The following TAF4B variants were observed in gnomAD, a reference collection of about 807,000 sequenced individuals.
TAF4B encodes the protein transcription initiation factor TFIID subunit 4B.
A neutral mutation model predicts 86.4 loss-of-function variants in TAF4B; 38 were observed. The observed-to-expected ratio is 0.44, with a 90% confidence interval of 0.34 to 0.58. The LOEUF is 0.58. Among genes scored for constraint, TAF4B ranks in the 20% least tolerant of loss-of-function variants. TAF4B has a pLI of 0.02. For synonymous variants in TAF4B, 388 were observed against 391.2 expected (o/e 0.99, Z 0.10); for missense variants, 988 against 1,027.6 (o/e 0.96, Z 0.53).
At chr18:26,227,618 T>C (rs914024948) in intron 1 of TAF4B, among the ~76,000 whole-genome samples, 2 of 152,188 alleles carry the variant, frequency 1.3e-5, no homozygotes, top group African/African-American at 4.8e-5. Flanking sequence ...GCTTAGATTA[T>C]GTAGAAGTGC....
At chr18:26,231,592 A>T (rs905617593) in intron 1 of TAF4B, among the ~76,000 whole-genome samples, 1 of 151,686 alleles carries the variant, frequency 6.6e-6, no homozygotes, top group Non-Finnish European at 1.5e-5. Flanking sequence ...GCCTCAAGTG[A>T]TCTGCTGATC....
intron 7 of TAF4B, among the ~76,000 whole-genome samples, chr18:26,290,958 A>C (rs1367595721): frequency 6.6e-6 from 1 of 152,214 alleles, no homozygotes; most frequent in African/African-American, 2.4e-5. Flanking sequence ...AGCTTCATTG[A>C]AATGTATCAT....
intron 5 of TAF4B, among the ~76,000 whole-genome samples, chr18:26,277,257 G>T (rs922327201): frequency 2.6e-5 from 4 of 151,848 alleles, no homozygotes; most frequent in Admixed American, 6.6e-5. Context: ...CTAATTTTTT[G>T]ATTTTTTTTG....
At chr18:26,334,944 G>A (rs2057079092) in intron 12 of TAF4B, among the ~76,000 whole-genome samples, 1 of 152,090 alleles carries the variant, frequency 6.6e-6, no homozygotes, top group South Asian at 2.1e-4. Flanking sequence ...GACATCGTTA[G>A]CATCATTTTC....
At chr18:26,241,594 G>A (rs2055840258) in intron 1 of TAF4B, among the ~76,000 whole-genome samples, 1 of 151,968 alleles carries the variant, frequency 6.6e-6, no homozygotes, top group Non-Finnish European at 1.5e-5. Flanking sequence ...CTTCAGTTCT[G>A]CTCTGATCTT....
intron 1 of TAF4B, among the ~76,000 whole-genome samples, chr18:26,229,196 A>G (rs2055624428): frequency 6.6e-6 from 1 of 152,208 alleles, no homozygotes; most frequent in African/African-American, 2.4e-5. Context: ...ACCATAGTCT[A>G]ATTATGTTCC....
intron 8 of TAF4B, among the ~76,000 whole-genome samples, 187 bp from the exon 9 acceptor site, chr18:26,293,239 T>C (rs2100921): frequency 0.081 from 12,329 of 152,214 alleles, 1,551 homozygotes; most frequent in African/African-American, 0.27. Context: ...AAGATTCTTA[T>C]TTTATAAGAT....
At chr18:26,314,063 C>T (rs917566123) in intron 9 of TAF4B, among the ~76,000 whole-genome samples, 1 of 151,896 alleles carries the variant, frequency 6.6e-6, no homozygotes, top group African/African-American at 2.4e-5. Flanking sequence ...AGTTGAACAC[C>T]AGAGGCCTTC....
At chr18:26,386,829 G>A (rs1197777929) in intron 14 of TAF4B, among the ~76,000 whole-genome samples, 2 of 152,100 alleles carry the variant, frequency 1.3e-5, no homozygotes, top group South Asian at 4.1e-4. Flanking sequence ...CTTGTGAATA[G>A]TAGTCATCCT....
At position 26,332,084 on chromosome 18, in the gene TAF4B, A is replaced by G. The variant is rs10163689; in HGVS notation, c.2260-3091A>G. Among the ~76,000 whole-genome samples the G allele has an allele frequency of 5.4e-4, 82 of 152,262 alleles. 1 individual carries two copies. The highest frequency in any genetic ancestry group is 1.9e-3 in the African/African-American group (79 of 41,554). On this transcript the variant is annotated intron_variant, in intron 12 of 14. Transcript: ENST00000269142. ...TCTAACTAGGCATCTTGAACTGACC[A>G]TTGAGTTCCCTTCCCCTAAGTCTGC...
At chr18:26,352,324 A>C (rs1024241997) in intron 13 of TAF4B, among the ~76,000 whole-genome samples, 1 of 152,008 alleles carries the variant, frequency 6.6e-6, no homozygotes, top group South Asian at 2.1e-4. Flanking sequence ...ATAGGAGAAA[A>C]TGCTTACATT....
At chr18:26,350,892 C>G (rs995576863) in intron 13 of TAF4B, among the ~76,000 whole-genome samples, 25 of 152,170 alleles carry the variant, frequency 1.6e-4, no homozygotes, top group African/African-American at 6.0e-4. Context: ...ATCGAGGATT[C>G]AGGGAAAATG....
rs764132272 is a variant in TAF4B, at chr18:26,357,728, C to T, written c.2355C>T (p.Asp785=). ...QLELAQIQHR[D]ANLTALAAIG... is the part of the protein sequence containing the mutation. ...AACTTGCACAGATACAGCATAGAGA[C>T]GCTAATCTCACAGCTCTTGCAGCTA... The change falls in exon 14 of 15, where the codon GAC becomes GAT. Residue 785 remains aspartate, a synonymous_variant. Coordinates refer to ENST00000269142, the MANE Select transcript of TAF4B (RefSeq NM_005640.3). 22 of 1,612,844 alleles carry T rather than the reference C, an allele frequency of 1.4e-5. No individual in the cohort carries two copies. The highest frequency in any genetic ancestry group is 5.5e-5 in the South Asian group (5 of 90,826).
At chr18:26,285,210 C>CTTTTTTTTTTTG (rs2056497190) in intron 6 of TAF4B, among the ~76,000 whole-genome samples, 2 of 42,550 alleles carry the variant, frequency 4.7e-5, no homozygotes, top group Admixed American at 3.2e-4. Context: ...TCTTCCTTTC[C>CTTTTTTTTTTTG]TTTTTTTTTT....
chr18:26,330,747 C>G (rs1321954646), intron 12 of TAF4B, among the ~76,000 whole-genome samples: 2 of 152,112 alleles, frequency 1.3e-5, no homozygotes, highest in African/African-American at 4.8e-5. Flanking sequence ...TTCCTTCTAC[C>G]CTTAATCTCT....
chr18:26,354,687 C>A (rs969216390), intron 13 of TAF4B, among the ~76,000 whole-genome samples: 3 of 152,154 alleles, frequency 2.0e-5, no homozygotes, highest in Admixed American at 1.3e-4. Flanking sequence ...TCCTTTCTAA[C>A]CTGGCCAAAA....
At chr18:26,338,401 A>G (rs1020103105) in intron 13 of TAF4B, among the ~76,000 whole-genome samples, 7 of 147,692 alleles carry the variant, frequency 4.7e-5, no homozygotes, top group African/African-American at 7.4e-5. Flanking sequence ...GTGAGCCGAC[A>G]TGGTGCCACT....
chr18:26,356,261 C>G (rs1173218993), intron 13 of TAF4B, among the ~76,000 whole-genome samples: 1 of 152,092 alleles, frequency 6.6e-6, no homozygotes, highest in African/African-American at 2.4e-5. Flanking sequence ...TTAATCACCT[C>G]CCAGAGGCCC....
chr18:26,279,454 T>C (rs2056420371), intron 5 of TAF4B, among the ~76,000 whole-genome samples: 1 of 151,276 alleles, frequency 6.6e-6, no homozygotes, highest in African/African-American at 2.4e-5. Context: ...CCTGTCAAAC[T>C]ACCAATGTCA....
Sources: gnomAD v4.1 joint callset for allele counts (sites outside exome capture counted in the v4.1 genomes callset) on GRCh38, gnomAD v4.1.1 for gene constraint, MANE v1.5 for transcripts, NCBI Gene and HGNC (gene_info 2026-07-23, HGNC 2026-07-21) for gene names.